RPTOR: variants seen among roughly 807,000 people sequenced by gnomAD.
The protein encoded by RPTOR is regulatory associated protein of MTOR complex 1.
A neutral mutation model predicts 169.9 loss-of-function variants in RPTOR; 21 were observed. The observed-to-expected ratio is 0.12, with a 90% CI of 0.09 to 0.18. RPTOR has a LOEUF of 0.18. RPTOR is among the 10% of genes least tolerant of loss of function. The pLI, the probability that RPTOR is intolerant of heterozygous loss-of-function variation, is 1.00. For synonymous variants in RPTOR, 732 were observed against 753.2 expected (o/e 0.97, Z 0.46); for missense variants, 1,133 against 1,855.9 (o/e 0.61, Z 7.16).
At chr17:80,642,776 C>T (rs1462454933) in intron 2 of RPTOR, among the ~76,000 whole-genome samples, 1 of 152,076 alleles carries the variant, frequency 6.6e-6, no homozygotes, top group Admixed American at 6.5e-5. Flanking sequence ...TTTTAAGATA[C>T]TCTTCTGTTT....
At chr17:80,740,218 C>T (rs1598269762) in intron 5 of RPTOR, among the ~76,000 whole-genome samples, 1 of 152,108 alleles carries the variant, frequency 6.6e-6, no homozygotes, top group Non-Finnish European at 1.5e-5. Context: ...ATTATCTGTT[C>T]AGCAATAGAT....
intron 31 of RPTOR, among the ~76,000 whole-genome samples, 190 bp from the exon 32 acceptor site, chr17:80,962,271 G>A (rs1040674597): frequency 6.6e-6 from 1 of 152,224 alleles, no homozygotes; most frequent in African/African-American, 2.4e-5. Context: ...CCTGAGACCA[G>A]TATGGGTGCA....
chr17:80,576,569 C>A (rs1399268551), intron 1 of RPTOR, among the ~76,000 whole-genome samples: 1 of 152,226 alleles, frequency 6.6e-6, no homozygotes. Context: ...TGACTCTTCG[C>A]TCTCCTTTCC....
intron 3 of RPTOR, among the ~76,000 whole-genome samples, chr17:80,704,634 A>G (rs12948040): frequency 0.18 from 27,156 of 152,246 alleles, 2,858 homozygotes; most frequent in East Asian, 0.24. Context: ...CTTTACTACA[A>G]ATTGATTTGT....
At chr17:80,948,983 G>A (rs137913299) in intron 27 of RPTOR, among the ~76,000 whole-genome samples, 220 of 152,284 alleles carry the variant, frequency 1.4e-3, no homozygotes, top group South Asian at 0.014. Flanking sequence ...GGAATGGGGC[G>A]GAGGGTGCTG....
At position 80,925,460 on chromosome 17, in the gene RPTOR, T is replaced by C. The variant is rs767140695; in HGVS notation, c.2899T>C (p.Phe967Leu). ...GTTCTGCGACTGGAGCGCCCGCTAT[T>C]TTGCCCAGCCCGTCATGAAGGTGCG... ...TGFCDWSARY[F>L]AQPVMKIPEE... The change falls in exon 24 of 34, where the codon TTT (phenylalanine) becomes CTT (leucine). Residue 967 changes from phenylalanine (F) to leucine (L), a missense_variant. This residue lies in a region of RPTOR where 410 missense variants were observed against 623.7 expected (regional missense o/e 0.66). Coordinates refer to ENST00000306801, the MANE Select transcript of RPTOR (RefSeq NM_020761.3). 2 of 1,613,468 alleles carry C rather than the reference T, an allele frequency of 1.2e-6. No individual in the cohort carries two copies. The highest frequency in any genetic ancestry group is 1.1e-5 in the South Asian group (1 of 91,082).
intron 3 of RPTOR, among the ~76,000 whole-genome samples, chr17:80,673,133 G>T (rs1162805330): frequency 6.6e-6 from 1 of 152,058 alleles, no homozygotes; most frequent in African/African-American, 2.4e-5. Context: ...CACCATGTTG[G>T]CCAGATTGGT....
chr17:80,940,332 G>A (rs1248037947), intron 24 of RPTOR, 164 bp from the exon 25 acceptor site: 9 of 578,592 alleles, frequency 1.6e-5, no homozygotes, highest in Admixed American at 1.3e-4. Flanking sequence ...GAGGTGTGCC[G>A]GAGGATGTGT....
At chr17:80,788,905 G>T (rs1003889981) in intron 6 of RPTOR, among the ~76,000 whole-genome samples, 1 of 152,188 alleles carries the variant, frequency 6.6e-6, no homozygotes, top group Admixed American at 6.5e-5. Flanking sequence ...GTAGGTGAAT[G>T]AAAGAAATCG....
chr17:80,907,432 C>T (rs1484456626), intron 20 of RPTOR, among the ~76,000 whole-genome samples: 5 of 152,260 alleles, frequency 3.3e-5, no homozygotes, highest in African/African-American at 1.2e-4. Context: ...GCGCCTGGCC[C>T]CGCTCTGCCC....
rs189880096 is a variant in RPTOR at position 80,695,208 on chromosome 17, C to T, written c.349-12633C>T. 6.2e-4 allele frequency among the ~76,000 whole-genome samples: 95 copies of T among 152,262 alleles called. No homozygotes were observed. The highest frequency in any genetic ancestry group is 2.0e-3 in the African/African-American group (83 of 41,546). On this transcript the variant is annotated intron_variant, in intron 3 of 33. Coordinates refer to ENST00000306801, the MANE Select transcript of RPTOR (RefSeq NM_020761.3). The surrounding 1 kb of genome is among the most constrained non-coding windows in gnomAD (Gnocchi z 4.9). The stretch of plus-strand genomic sequence containing the variant: ...CATGTGCCCAAGACAGAGGCTGCCC[C>T]GACCCGTGCTGTGCGGGTCACTCAC...
chr17:80,939,007 C>T (rs552695401), intron 24 of RPTOR, among the ~76,000 whole-genome samples: 1 of 152,348 alleles, frequency 6.6e-6, no homozygotes, highest in East Asian at 1.9e-4. Context: ...AGTCTTTATT[C>T]CCATTTCTTC....
rs1483466107 is a variant in RPTOR, at chr17:80,751,859, A to G, written c.655-2151A>G. Among the ~76,000 whole-genome samples, 3 of 152,190 alleles carry G rather than the reference A, an allele frequency of 2.0e-5. No homozygotes were observed. The East Asian group carries it at 5.8e-4, about 29-fold the overall frequency. Reference sequence around the variant, plus strand: ...CTGACCGCTTGGTCCACGACCCCGCATTAGCAGGTGGCGCTCTCAGTCTGA... The same window carrying G: ...CTGACCGCTTGGTCCACGACCCCGCGTTAGCAGGTGGCGCTCTCAGTCTGA... On this transcript the variant is annotated intron_variant, in intron 5 of 33. Coordinates refer to ENST00000306801, the MANE Select transcript of RPTOR (RefSeq NM_020761.3).
At chr17:80,642,555 A>G (rs2065562454) in intron 2 of RPTOR, among the ~76,000 whole-genome samples, 1 of 152,254 alleles carries the variant, frequency 6.6e-6, no homozygotes, top group African/African-American at 2.4e-5. Flanking sequence ...GATATTTTCC[A>G]GATGATCAAT....
chr17:80,743,391 A>T, intron 5 of RPTOR: 1 of 985,530 alleles, frequency 1.0e-6, no homozygotes, highest in Middle Eastern at 5.2e-4. Flanking sequence ...GTCTAACCTG[A>T]GCCGTAGAAC....
rs1160323553 is a variant in RPTOR at position 80,960,712 on chromosome 17, G to A, written c.3605+507G>A. On this transcript the variant is annotated intron_variant, in intron 30 of 33. Transcript: ENST00000306801. This position sits in a 1 kb window ranked among gnomAD's most constrained non-coding sequence, Gnocchi z 4.8. ...GCGTCTGGCAGAGGACAGGGTACAC[G>A]CATGGGCACAGCAGCCCTGGGCACT... 1.1e-5 allele frequency: 2 copies of A among 183,534 alleles called. No homozygotes were observed. Among genetic ancestry groups the A allele is most frequent in the Admixed American group, 5.4e-5 (1 of 18,560 alleles). The allele number at this position is 183,534 out of a possible 1,614,324, so 11.4% of individuals were successfully genotyped here.
intron 5 of RPTOR, among the ~76,000 whole-genome samples, chr17:80,753,451 G>A (rs191120575): frequency 7.2e-5 from 11 of 151,854 alleles, no homozygotes; most frequent in South Asian, 2.1e-4. Context: ...TGGCTAACAC[G>A]GTGAAACCCC....
At chr17:80,817,116 G>T (rs866591656) in intron 7 of RPTOR, among the ~76,000 whole-genome samples, 2 of 152,238 alleles carry the variant, frequency 1.3e-5, no homozygotes, top group Admixed American at 1.3e-4. Context: ...GCCGCACAGC[G>T]GGAGGCACGG....
In RPTOR at chr17:80,609,601, C is replaced by G. The variant is rs977979711; in HGVS notation, c.163-16090C>G. ...CTCTACTAAAAATAGAAAAATTAGC[C>G]GGGCATGATGGCGCACGCCTGTAAT... On this transcript the variant is annotated intron_variant, in intron 1 of 33. Transcript: ENST00000306801. This position sits in a 1 kb window ranked among gnomAD's most constrained non-coding sequence, Gnocchi z 4.8. 2.6e-5 allele frequency among the ~76,000 whole-genome samples: 4 copies of G among 152,050 alleles called. No homozygotes were observed. The highest frequency in any genetic ancestry group is 4.4e-5 in the Non-Finnish European group (3 of 68,020).
Sources: allele counts gnomAD v4.1 joint callset (sites outside exome capture counted in the v4.1 genomes callset), GRCh38; gene constraint gnomAD v4.1.1; regional missense constraint gnomAD v4.1.1; non-coding constraint Gnocchi (gnomAD v3.1); transcripts MANE v1.5; gene names NCBI Gene and HGNC (gene_info 2026-07-23, HGNC 2026-07-21).